Variants in DDX46 observed in about 807,000 individuals in gnomAD.
The protein encoded by DDX46 is DEAD-box helicase 46, also known as probable ATP-dependent RNA helicase DDX46.
DDX46 carries 30 observed loss-of-function variants against 134.9 expected under a neutral mutation model. The observed-to-expected ratio is 0.22, with a 90% CI of 0.17 to 0.30. The LOEUF (loss-of-function observed/expected upper bound fraction) is 0.30. DDX46 is among the 10% of genes least tolerant of loss of function. The pLI is 1.00. For missense variants in DDX46, 622 were observed against 1,248.7 expected, an observed-to-expected ratio of 0.50 and a Z score of 7.56; for synonymous variants, 415 against 404.1, an observed-to-expected ratio of 1.03 and a Z score of -0.32.
chr5:134,825,197 A>G (rs1755557627), intron 21 of DDX46, among the ~76,000 whole-genome samples: 1 of 152,216 alleles, frequency 6.6e-6, no homozygotes, highest in Non-Finnish European at 1.5e-5. Flanking sequence ...AATATCAACA[A>G]GCTTCACACC....
intron 18 of DDX46, among the ~76,000 whole-genome samples, chr5:134,815,724 A>AG (rs1275479335): frequency 1.3e-5 from 2 of 150,968 alleles, no homozygotes; most frequent in Non-Finnish European, 3.0e-5. Context: ...AAAAAAAAAA[A>AG]AAAAAAAAGA....
At chr5:134,775,273 G>A (rs1753899429) in intron 5 of DDX46, among the ~76,000 whole-genome samples, 1 of 152,094 alleles carries the variant, frequency 6.6e-6, no homozygotes, top group Non-Finnish European at 1.5e-5. Flanking sequence ...TCATAATTTA[G>A]GATGGAAACA....
At chr5:134,762,348 G>A (rs1176678189) in intron 1 of DDX46, among the ~76,000 whole-genome samples, 2 of 152,040 alleles carry the variant, frequency 1.3e-5, no homozygotes, top group African/African-American at 4.8e-5. Context: ...GGCCCAGTAG[G>A]TTGAGGTTAC....
At chr5:134,819,823 A>G (rs1243351865) in intron 21 of DDX46, among the ~76,000 whole-genome samples, 1 of 150,726 alleles carries the variant, frequency 6.6e-6, no homozygotes, top group Non-Finnish European at 1.5e-5. Context: ...GCATGAGCCA[A>G]TGTGCCCAGC....
At chr5:134,799,276 C>A (rs1580803963) in intron 15 of DDX46, among the ~76,000 whole-genome samples, 1 of 151,026 alleles carries the variant, frequency 6.6e-6, no homozygotes, top group South Asian at 2.1e-4. Context: ...CATTTCATGT[C>A]AATGTGCATA....
In DDX46 at chr5:134,777,578, C is replaced by T. The variant is rs769895643; in HGVS notation, c.618C>T (p.Asp206=). ...KKWSLEDDDD[D]EDDPAEAEKE... is the part of the protein sequence containing the mutation. ...ATGTGTATTCTGGTATTTTAGATGA[C>T]GAAGATGATCCTGCAGAAGCTGAAA... Residue 206 remains aspartate (D), a synonymous_variant, in exon 6 of 23, where the codon GAC becomes GAT. Coordinates refer to ENST00000452510, the MANE Select transcript of DDX46 (RefSeq NM_001300860.2). 27 of 1,611,340 alleles carry T rather than the reference C, an allele frequency of 1.7e-5. No homozygotes were observed. The highest frequency in any genetic ancestry group is 3.3e-4 in the Middle Eastern group (2 of 6,076).
intron 15 of DDX46, among the ~76,000 whole-genome samples, chr5:134,802,446 G>T (rs1050186346): frequency 6.6e-6 from 1 of 151,208 alleles, no homozygotes; most frequent in East Asian, 1.9e-4. Flanking sequence ...ACAGGCGTGA[G>T]CCACCGTGTT....
chr5:134,826,388 G>A (rs1326100856), intron 21 of DDX46: 1 of 152,190 alleles, frequency 6.6e-6, no homozygotes, highest in South Asian at 2.1e-4. Context: ...ACCACGCTAC[G>A]CTTCTCTTAT....
In DDX46 at chr5:134,828,840, G is replaced by T; in HGVS notation, c.*134G>T. 1 of 540,926 alleles carries T rather than the reference G, an allele frequency of 1.8e-6. No homozygotes were observed. The allele number at this position is 540,926 out of a possible 1,614,324, so 33.5% of individuals were successfully genotyped here. ...TGATTTTTTTTAAATATAAGAAACT[G>T]GTACTTGGTAAAGAAATCTGTCCGT... On this transcript the variant is annotated 3_prime_UTR_variant, in exon 23 of 23. Transcript: ENST00000452510.
intron 5 of DDX46, among the ~76,000 whole-genome samples, chr5:134,776,864 A>G (rs1003966019): frequency 6.7e-6 from 1 of 148,790 alleles, no homozygotes; most frequent in African/African-American, 2.5e-5. Flanking sequence ...CAGTAAGCTG[A>G]GATCGCGACA....
chr5:134,797,646 T>C (rs1403338128), intron 15 of DDX46, among the ~76,000 whole-genome samples: 1 of 152,138 alleles, frequency 6.6e-6, no homozygotes, highest in East Asian at 1.9e-4. Context: ...GATGGAGGCA[T>C]AGGTGTCACT....
rs752804374 is a variant in DDX46, at chr5:134,766,937, G to A, written c.227G>A (p.Arg76Lys). ...TTCAGACGTTCCAGAAGTAGAGAGAGAGACAGAAGCCGAGAGCGAAGAAGA... is the reference window on the plus strand; with the variant it reads ...TTCAGACGTTCCAGAAGTAGAGAGAAAGACAGAAGCCGAGAGCGAAGAAGA... ...KRLRRSRSRE[R>K]DRSRERRRSR... The change falls in exon 3 of 23, where the codon AGA (arginine) becomes AAA (lysine). Residue 76 changes from arginine to lysine, a missense_variant. Arg to Lys is a conservative substitution (Grantham distance 26, BLOSUM62 2). Transcript: ENST00000452510. 1.2e-6 allele frequency: 2 copies of A among 1,613,858 alleles called. No individual in the cohort carries two copies. Among genetic ancestry groups the A allele is most frequent in the Non-Finnish European group, 1.7e-6 (2 of 1,179,914 alleles).
At chr5:134,771,614 A>G (rs983953512) in intron 4 of DDX46, among the ~76,000 whole-genome samples, 2 of 151,000 alleles carry the variant, frequency 1.3e-5, no homozygotes, top group African/African-American at 4.9e-5. Flanking sequence ...AGCCAGGAGA[A>G]TGGTGTGAAC....
rs372170707 is a variant in DDX46 at position 134,825,274 on chromosome 5, G to A, written c.2978-1673G>A. On this transcript the variant is annotated intron_variant, in intron 21 of 22. Transcript: ENST00000452510. ...TTGTTGTAATTTTCAGTTTGACTTC[G>A]GTCTTGATTCTTCTTTTTCTCTTCC... is the stretch of plus-strand genomic sequence containing the variant. 5.6e-4 allele frequency among the ~76,000 whole-genome samples: 85 copies of A among 152,162 alleles called. 1 individual carries two copies. In the Middle Eastern group the frequency reaches 0.014, roughly 24 times the overall value.
chr5:134,778,403 A>T (rs1417399870), intron 6 of DDX46, among the ~76,000 whole-genome samples: 4 of 151,852 alleles, frequency 2.6e-5, no homozygotes, highest in Non-Finnish European at 5.9e-5. Context: ...AAATTATATA[A>T]TTTTTTTGTG....
chr5:134,818,832 T>G (rs1580819275), intron 20 of DDX46, 28 bp from the exon 21 acceptor site: 1 of 1,598,384 alleles, frequency 6.3e-7, no homozygotes, highest in Non-Finnish European at 8.5e-7. Flanking sequence ...TATGAAGTGA[T>G]TTTTCTTTTC....
intron 11 of DDX46, among the ~76,000 whole-genome samples, chr5:134,787,968 A>G (rs1054724841): frequency 6.7e-6 from 1 of 149,960 alleles, no homozygotes; most frequent in African/African-American, 2.5e-5. Context: ...GCAATGACCT[A>G]TGATGACACT....
In DDX46 at chr5:134,830,795, C is replaced by A. The variant is rs1310814822; in HGVS notation, c.*2089C>A. 1 of 152,592 alleles carries A rather than the reference C, an allele frequency of 6.6e-6. No homozygotes were observed. The highest frequency in any genetic ancestry group is 2.4e-5 in the African/African-American group (1 of 41,440). The allele number at this position is 152,592 out of a possible 1,614,324, so 9.5% of individuals were successfully genotyped here. A position where few individuals can be genotyped will look rare whatever the true frequency, so the allele number is the denominator to read the frequency against. On this transcript the variant is annotated 3_prime_UTR_variant, in exon 23 of 23. Transcript: ENST00000452510. ...CCTCCCTCTAGTTTATTTATTTGCT[C>A]ATCTTTATCACCTAATGGTAGTTTG...
At chr5:134,821,696 A>C (rs546282803) in intron 21 of DDX46, among the ~76,000 whole-genome samples, 2 of 151,524 alleles carry the variant, frequency 1.3e-5, no homozygotes, top group African/African-American at 4.8e-5. Flanking sequence ...AGCTGGGACT[A>C]CAGGCAAGCA....
Sources: allele counts gnomAD v4.1 joint callset (sites outside exome capture counted in the v4.1 genomes callset), GRCh38; gene constraint gnomAD v4.1.1; transcripts MANE v1.5; gene names NCBI Gene and HGNC (gene_info 2026-07-23, HGNC 2026-07-21).